The following FASTKD1 variants were observed in gnomAD, a reference collection of about 807,000 sequenced individuals.
FASTKD1 encodes the protein FAST kinase domain-containing protein 1, mitochondrial.
FASTKD1 carries 94 observed loss-of-function variants against 90.9 expected under a neutral mutation model. The ratio of observed to expected loss-of-function variants is 1.03; its 90% CI spans 0.88 to 1.23. FASTKD1 has a LOEUF of 1.23. FASTKD1 is among the 50% of genes most tolerant of loss of function. The probability of loss-of-function intolerance (pLI) is 0.00; values close to 1 mark genes in which losing one functional copy is unlikely to be tolerated. For synonymous variants in FASTKD1, 319 were observed against 345.8 expected, an observed-to-expected ratio of 0.92 and a Z score of 0.86; for missense variants, 945 against 993.5, an observed-to-expected ratio of 0.95 and a Z score of 0.66.
chr2:169,549,621 C>T (rs565490860), intron 7 of FASTKD1, among the ~76,000 whole-genome samples: 11 of 151,878 alleles, frequency 7.2e-5, no homozygotes, highest in South Asian at 2.1e-4. Context: ...CATGCCACCA[C>T]GCCCAGCTAA....
In FASTKD1 at chr2:169,538,142, C is replaced by T; in HGVS notation, c.1946-1G>A. Reference sequence around the variant, plus strand: ...CTTGCACTTCGAGATGGAGATAAAACTGAAATTAATAAAATACTAATGAAT... The same window carrying T: ...CTTGCACTTCGAGATGGAGATAAAATTGAAATTAATAAAATACTAATGAAT... On this transcript the variant is annotated splice_acceptor_variant, in intron 10 of 14. Transcript: ENST00000453153. LOFTEE classifies it high-confidence loss of function. The T allele has an allele frequency of 1.9e-6, 3 of 1,588,632 alleles. No individual in the cohort carries two copies. In the African/African-American group the frequency reaches 4.1e-5, roughly 22 times the overall value.
intron 4 of FASTKD1, among the ~76,000 whole-genome samples, chr2:169,561,691 T>C (rs1186338345): frequency 6.7e-6 from 1 of 148,608 alleles, no homozygotes; most frequent in East Asian, 1.9e-4. Flanking sequence ...TAATCCATTA[T>C]AAATTATTAA....
intron 9 of FASTKD1, among the ~76,000 whole-genome samples, chr2:169,543,021 C>T (rs918735040): frequency 1.3e-5 from 2 of 152,078 alleles, no homozygotes; most frequent in African/African-American, 2.4e-5. Flanking sequence ...ACTACAAATG[C>T]AGGAGATGGA....
intron 3 of FASTKD1, among the ~76,000 whole-genome samples, chr2:169,564,484 G>C (rs570025236): frequency 1.5e-4 from 23 of 152,084 alleles, no homozygotes; most frequent in Admixed American, 1.4e-3. Context: ...GGGTACATGA[G>C]ATATTTTGAT....
chr2:169,537,834 C>A (rs1389106065), intron 11 of FASTKD1, among the ~76,000 whole-genome samples, 179 bp downstream of exon 11: 1 of 152,064 alleles, frequency 6.6e-6, no homozygotes, highest in African/African-American at 2.4e-5. Flanking sequence ...GGTTATGTCC[C>A]AAATATGAAG....
chr2:169,545,569 C>T (rs1396766345), intron 8 of FASTKD1, among the ~76,000 whole-genome samples: 2 of 152,114 alleles, frequency 1.3e-5, no homozygotes, highest in Admixed American at 6.6e-5. Context: ...TCACATAATC[C>T]ATAAAGCGGC....
chr2:169,554,030 G>A (rs865985643), intron 7 of FASTKD1, among the ~76,000 whole-genome samples: 3 of 151,620 alleles, frequency 2.0e-5, no homozygotes, highest in East Asian at 1.9e-4. Flanking sequence ...GCTTGAGCCC[G>A]TGAGTTTGAA....
intron 12 of FASTKD1, 139 bp downstream of exon 12, chr2:169,537,088 A>G (rs929231476): frequency 1.9e-5 from 11 of 583,504 alleles, no homozygotes; most frequent in African/African-American, 1.4e-4. Context: ...TGCTCTTTCT[A>G]TCTCCGTTTG....
intron 12 of FASTKD1, among the ~76,000 whole-genome samples, chr2:169,533,666 A>G (rs1174814843): frequency 1.3e-5 from 2 of 152,236 alleles, no homozygotes; most frequent in Non-Finnish European, 2.9e-5. Flanking sequence ...GCATTGTTTG[A>G]CAGATGGACA....
rs57524382 is a variant in FASTKD1, at chr2:169,532,402, C to CAA, written c.2189-914_2189-913dup. 8.3e-4 allele frequency among the ~76,000 whole-genome samples: 67 copies of CAA among 80,558 alleles called. 1 individual carries two copies. The highest frequency in any genetic ancestry group is 0.012 in the Middle Eastern group (1 of 86). 52.8% of individuals were successfully genotyped at this position (80,558 alleles called of 152,430 possible). ...CCTCAGCCTAGGCAGCAGAGCCAGA[C>CAA]AAAAAAAAAAAAAAGGAAAGAAAGA... On this transcript the variant is annotated intron_variant, in intron 12 of 14. Transcript: ENST00000453153.
intron 3 of FASTKD1, among the ~76,000 whole-genome samples, chr2:169,567,850 T>G (rs1185311640): frequency 1.3e-5 from 2 of 152,148 alleles, no homozygotes; most frequent in Non-Finnish European, 2.9e-5. Context: ...ACATTTGCCT[T>G]ATTCCACTAA....
chr2:169,539,987 T>G, intron 10 of FASTKD1, 64 bp downstream of exon 10: 4 of 1,050,808 alleles, frequency 3.8e-6, no homozygotes, highest in Non-Finnish European at 4.1e-6. Flanking sequence ...TCAGTATAGA[T>G]AGACCTGAGA....
At chr2:169,551,440 A>G (rs757703670) in intron 7 of FASTKD1, among the ~76,000 whole-genome samples, 18 of 152,354 alleles carry the variant, frequency 1.2e-4, no homozygotes, top group Non-Finnish European at 1.5e-5. Context: ...AGAGAATACT[A>G]TAAGACAAAA....
At chr2:169,560,810 A>AT (rs758215990) in intron 4 of FASTKD1, 25 bp from the exon 5 acceptor site, 162 of 1,120,598 alleles carry the variant, frequency 1.4e-4, no homozygotes, top group Non-Finnish European at 1.9e-4. Flanking sequence ...AGATGCAAAG[A>AT]TTTTTACATC....
chr2:169,553,297 T>G (rs1685584227), intron 7 of FASTKD1, among the ~76,000 whole-genome samples: 1 of 104,582 alleles, frequency 9.6e-6, no homozygotes, highest in East Asian at 3.7e-4. Flanking sequence ...AAACCCACTG[T>G]GCAGACATAA....
chr2:169,572,405 A>G (rs1684273872), intron 1 of FASTKD1, among the ~76,000 whole-genome samples: 1 of 152,028 alleles, frequency 6.6e-6, no homozygotes. Context: ...CAAATTTACC[A>G]TAAAAGGAAA....
intron 4 of FASTKD1, among the ~76,000 whole-genome samples, chr2:169,562,829 C>G (rs1384819326): frequency 6.6e-6 from 1 of 152,084 alleles, no homozygotes; most frequent in Admixed American, 6.6e-5. Context: ...ATTATGGGAA[C>G]GAGAGCTCAG....
intron 3 of FASTKD1, among the ~76,000 whole-genome samples, chr2:169,565,605 T>C (rs1276984553): frequency 6.6e-6 from 1 of 152,164 alleles, no homozygotes; most frequent in African/African-American, 2.4e-5. Context: ...GACACTTATG[T>C]TGCTTTCAAA....
At chr2:169,548,065 T>G in intron 7 of FASTKD1, among the ~76,000 whole-genome samples, 1 of 143,112 alleles carries the variant, frequency 7.0e-6, no homozygotes, top group East Asian at 2.0e-4. Flanking sequence ...ATAGAAATAG[T>G]GGAAGGAATA....
Sources: gnomAD v4.1 joint callset for allele counts (sites outside exome capture counted in the v4.1 genomes callset) on GRCh38, gnomAD v4.1.1 for gene constraint, MANE v1.5 for transcripts, NCBI Gene and HGNC (gene_info 2026-07-23, HGNC 2026-07-21) for gene names.